Variants in PDE1C observed in about 807,000 individuals in gnomAD.
The protein encoded by PDE1C is phosphodiesterase 1C.
In PDE1C, 62 loss-of-function variants were observed where a neutral mutation model predicts 93.1. The ratio of observed to expected loss-of-function variants is 0.67; its 90% CI spans 0.54 to 0.82. The LOEUF is 0.82. Among genes scored for constraint, PDE1C ranks in the 40% least tolerant of loss-of-function variants. PDE1C has a pLI of 0.00. For synonymous variants in PDE1C, 325 were observed against 310.1 expected, an observed-to-expected ratio of 1.05 and a Z score of -0.50; for missense variants, 742 against 884.6, an observed-to-expected ratio of 0.84 and a Z score of 2.04.
At position 31,830,847 on chromosome 7, in the gene PDE1C, C is replaced by T. The variant is rs77106268; in HGVS notation, c.1204-2474G>A. 4.0e-3 allele frequency among the ~76,000 whole-genome samples: 609 copies of T among 152,232 alleles called. 1 individual carries two copies. Among genetic ancestry groups the T allele is most frequent in the African/African-American group, 0.014 (580 of 41,544 alleles). ...TGGAAGCAAGGTAGATGGCAGAATA[C>T]GGTCTAAAATCATTGCTTATCATAG... On this transcript the variant is annotated intron_variant, in intron 11 of 17. Transcript: ENST00000396191.
At chr7:31,782,669 T>C (rs1783520185) in intron 16 of PDE1C, among the ~76,000 whole-genome samples, 2 of 152,216 alleles carry the variant, frequency 1.3e-5, no homozygotes, top group Admixed American at 6.5e-5. Context: ...AAACCACTTT[T>C]ATCCCCACAA....
intron 1 of PDE1C, among the ~76,000 whole-genome samples, chr7:32,298,366 T>C (rs1812761438): frequency 6.6e-6 from 1 of 151,904 alleles, no homozygotes; most frequent in Admixed American, 6.6e-5. Context: ...CCTGCCTTAT[T>C]AAAATCGCAG....
intron 2 of PDE1C, among the ~76,000 whole-genome samples, chr7:31,991,268 C>A (rs2392015): frequency 4.6e-5 from 7 of 151,982 alleles, no homozygotes; most frequent in Non-Finnish European, 1.0e-4. Flanking sequence ...TGAGGAAACA[C>A]TGGGCAATGG....
intron 14 of PDE1C, among the ~76,000 whole-genome samples, chr7:31,817,333 T>C (rs1788396680): frequency 6.6e-6 from 1 of 151,956 alleles, no homozygotes; most frequent in African/African-American, 2.4e-5. Flanking sequence ...GGCCATGAGG[T>C]AGAAATGAGC....
chr7:31,853,878 ATTTT>A (rs60293827), intron 7 of PDE1C, among the ~76,000 whole-genome samples: 49 of 124,514 alleles, frequency 3.9e-4, no homozygotes, highest in Middle Eastern at 4.1e-3. Context: ...ATGCCCAGCT[ATTTT>A]TTTTTTTTTT....
At chr7:31,737,450 T>C in the PDE1C span, among the ~76,000 whole-genome samples, 1 of 152,130 alleles carries the variant, frequency 6.6e-6, no homozygotes, top group Non-Finnish European at 1.5e-5. Flanking sequence ...CCAACATAAG[T>C]CTGAATTCAC....
chr7:31,680,255 C>T, the PDE1C span, among the ~76,000 whole-genome samples: 6 of 152,162 alleles, frequency 3.9e-5, no homozygotes, highest in African/African-American at 1.4e-4. Flanking sequence ...GCTTTGAGAA[C>T]ATGATACTCA....
intron 16 of PDE1C, chr7:31,789,158 A>C (rs1190373485): frequency 6.6e-6 from 1 of 152,094 alleles, no homozygotes; most frequent in African/African-American, 2.4e-5. Context: ...CTTTTATCTA[A>C]ATCACATCAT....
intron 1 of PDE1C, among the ~76,000 whole-genome samples, chr7:32,216,642 T>G (rs753097899): frequency 6.6e-6 from 1 of 152,228 alleles, no homozygotes; most frequent in African/African-American, 2.4e-5. Context: ...GAATAAATCA[T>G]AGATACCAAA....
chr7:31,744,277 C>A, the PDE1C span, among the ~76,000 whole-genome samples: 9 of 152,122 alleles, frequency 5.9e-5, no homozygotes. Context: ...CACACACACA[C>A]ACATACACCT....
At chr7:32,409,349 A>G (rs1289467453) in intron 1 of PDE1C, among the ~76,000 whole-genome samples, 1 of 152,188 alleles carries the variant, frequency 6.6e-6, no homozygotes, top group Non-Finnish European at 1.5e-5. Flanking sequence ...CAGCAGACAG[A>G]GACCCTGTCT....
At chr7:31,685,393 G>A in the PDE1C span, among the ~76,000 whole-genome samples, 2 of 152,144 alleles carry the variant, frequency 1.3e-5, no homozygotes, top group African/African-American at 4.8e-5. Flanking sequence ...TTCATAAGAT[G>A]TTACCATTGG....
At chr7:32,294,988 C>A (rs545183417) in intron 1 of PDE1C, among the ~76,000 whole-genome samples, 7 of 152,294 alleles carry the variant, frequency 4.6e-5, no homozygotes, top group Middle Eastern at 3.4e-3. Context: ...GTTTCCAAGA[C>A]CTTTTGACCA....
chr7:32,035,582 C>T (rs542026543), intron 2 of PDE1C, among the ~76,000 whole-genome samples: 16 of 152,280 alleles, frequency 1.1e-4, no homozygotes, highest in East Asian at 3.9e-4. Flanking sequence ...TTCTGATCAA[C>T]GTTTGTTGTA....
At chr7:32,070,178 G>A (rs1795862195) in intron 1 of PDE1C, 115 bp downstream of exon 1, 5 of 1,537,670 alleles carry the variant, frequency 3.3e-6, no homozygotes, top group South Asian at 1.3e-5. Flanking sequence ...GGAACTTCTA[G>A]GGTTGTATTT....
At chr7:32,150,577 G>T (rs1268284360) in intron 3 of PDE1C, among the ~76,000 whole-genome samples, 1 of 152,138 alleles carries the variant, frequency 6.6e-6, no homozygotes, top group Non-Finnish European at 1.5e-5. Context: ...CACAGCTCAG[G>T]GATTAATCCC....
chr7:32,000,993 CGTGTGTGT>C (rs34671338), intron 2 of PDE1C, among the ~76,000 whole-genome samples: 4 of 149,072 alleles, frequency 2.7e-5, no homozygotes, highest in African/African-American at 9.9e-5. Context: ...TGTGTGTATA[CGTGTGTGT>C]GTGTGTGTGT....
intron 1 of PDE1C, among the ~76,000 whole-genome samples, chr7:32,342,684 C>T (rs1179261333): frequency 5.3e-5 from 8 of 152,128 alleles, no homozygotes; most frequent in African/African-American, 1.9e-4. Context: ...AATTCCTGTT[C>T]TACTAATTGT....
At chr7:32,389,441 T>C (rs1265276887) in intron 1 of PDE1C, among the ~76,000 whole-genome samples, 1 of 152,216 alleles carries the variant, frequency 6.6e-6, no homozygotes, top group Non-Finnish European at 1.5e-5. Context: ...GGTTTCGAAC[T>C]CCTGACCTCA....
Sources: gnomAD v4.1 joint callset for allele counts (sites outside exome capture counted in the v4.1 genomes callset) on GRCh38, gnomAD v4.1.1 for gene constraint, MANE v1.5 for transcripts, NCBI Gene and HGNC (gene_info 2026-07-23, HGNC 2026-07-21) for gene names.